PSD3: variants seen among roughly 807,000 people sequenced by gnomAD.
PSD3 encodes the protein pleckstrin and Sec7 domain containing 3.
Under a neutral mutation model 105.5 loss-of-function variants are expected in PSD3, and 49 were observed. The observed-to-expected ratio is 0.46, with a 90% CI of 0.37 to 0.59. The LOEUF (loss-of-function observed/expected upper bound fraction) is 0.59. PSD3 is among the 20% of genes least tolerant of loss of function. The pLI is 0.00. For missense variants in PSD3, 1,561 were observed against 1,263.8 expected, an observed-to-expected ratio of 1.24 and a Z score of -3.57; for synonymous variants, 557 against 457.8, an observed-to-expected ratio of 1.22 and a Z score of -2.77.
At chr8:18,750,260 A>C (rs1805364324) in intron 9 of PSD3, among the ~76,000 whole-genome samples, 1 of 152,146 alleles carries the variant, frequency 6.6e-6, no homozygotes, top group African/African-American at 2.4e-5. Flanking sequence ...TACAGCTCTT[A>C]AGGTGGCGCG....
rs1799691176 is a variant in PSD3, at chr8:18,532,926, G to A, written c.*2817C>T. The A allele has an allele frequency of 6.6e-6, 1 of 152,188 alleles. No individual in the cohort carries two copies. The highest frequency in any genetic ancestry group is 1.9e-4 in the East Asian group (1 of 5,184). The allele number at this position is 152,188 out of a possible 1,614,324, so 9.4% of individuals were successfully genotyped here. On this transcript the variant is annotated 3_prime_UTR_variant, in exon 16 of 16. Transcript: ENST00000327040. ...ATATGAAGTGTATTGACGTGAAGAA[G>A]AATGATTTATCATATGGAAGGAAGT...
At position 18,530,179 on chromosome 8, in the gene PSD3, G is replaced by C. The variant is rs540358770; in HGVS notation, c.*5564C>G. 6.6e-6 allele frequency: 1 copy of C among 152,410 alleles called. No homozygotes were observed. Among genetic ancestry groups the C allele is most frequent in the Non-Finnish European group, 1.5e-5 (1 of 68,014 alleles). 9.4% of individuals were successfully genotyped at this position (152,410 alleles called of 1,614,324 possible). ...CTGCTTTAAATATACCAAACATGCT[G>C]GTTAATAAAATTTTAGTCTCTAGTT... On this transcript the variant is annotated 3_prime_UTR_variant, in exon 16 of 16. Transcript: ENST00000327040.
chr8:18,820,617 T>G (rs1427211130), intron 4 of PSD3, among the ~76,000 whole-genome samples: 1 of 152,096 alleles, frequency 6.6e-6, no homozygotes, highest in African/African-American at 2.4e-5. Context: ...AAGAAAAAAA[T>G]ACGAACATTC....
chr8:18,684,225 CACACACACACACACACACACACACA>C (rs1328692679), intron 9 of PSD3: 6 of 213,278 alleles, frequency 2.8e-5, no homozygotes, highest in Non-Finnish European at 5.6e-5. Flanking sequence ...CACACACACA[CACACACACACACACACACACACACA>C]CCCCATCATA....
chr8:18,836,089 G>C (rs1382600140), intron 4 of PSD3, among the ~76,000 whole-genome samples: 7 of 152,288 alleles, frequency 4.6e-5, no homozygotes, highest in Non-Finnish European at 8.8e-5. Flanking sequence ...AGGTAGAGCT[G>C]ACCAAATTGC....
At chr8:18,692,741 C>A (rs1002362650) in intron 9 of PSD3, among the ~76,000 whole-genome samples, 12 of 152,226 alleles carry the variant, frequency 7.9e-5, no homozygotes, top group Admixed American at 5.9e-4. Context: ...TCACTTTGGG[C>A]ACATTTTCTG....
chr8:18,925,141 T>A (rs1821282554), intron 2 of PSD3, among the ~76,000 whole-genome samples: 1 of 152,130 alleles, frequency 6.6e-6, no homozygotes, highest in Admixed American at 6.5e-5. Flanking sequence ...AACAGACAAA[T>A]AAGCCAATTA....
chr8:18,674,277 G>T (rs970520624), intron 9 of PSD3, among the ~76,000 whole-genome samples: 1 of 152,236 alleles, frequency 6.6e-6, no homozygotes, highest in East Asian at 1.9e-4. Flanking sequence ...CTCAGAGGTA[G>T]CCAGTGGCCC....
At chr8:18,938,382 G>A (rs997154532) in intron 1 of PSD3, among the ~76,000 whole-genome samples, 2 of 152,122 alleles carry the variant, frequency 1.3e-5, no homozygotes, top group Non-Finnish European at 2.9e-5. Context: ...AGCACTCTGG[G>A]AGGCTGGGGT....
At chr8:19,047,226 A>G (rs1260362356) in intron 1 of PSD3, among the ~76,000 whole-genome samples, 3 of 152,176 alleles carry the variant, frequency 2.0e-5, no homozygotes, top group African/African-American at 7.2e-5. Context: ...CTGATTTGCA[A>G]GCCTGGAGGT....
At chr8:18,750,654 T>C (rs929501100) in intron 9 of PSD3, among the ~76,000 whole-genome samples, 1 of 152,040 alleles carries the variant, frequency 6.6e-6, no homozygotes, top group Admixed American at 6.5e-5. Flanking sequence ...ATCCTGCTGA[T>C]TGGTAGAGCC....
chr8:18,871,912 G>T lies in PSD3; in HGVS notation c.952C>A (p.His318Asn). 1 of 1,614,238 alleles carries T rather than the reference G, an allele frequency of 6.2e-7. No individual in the cohort carries two copies. The change falls in exon 3 of 16, where the codon CAT becomes AAT. Residue 318 changes from histidine to asparagine, a missense_variant. By Grantham distance (68) the His-to-Asn change is moderately conservative. Transcript: ENST00000327040. ...AGTGATGTCTCAAAATCTATAGGAT[G>T]CTGGGTCTCTCTCTTGTCTCCTCCT... The part of the protein sequence containing the change: ...WTGGDKRETQ[H>N]PIDFETSLQR...
chr8:19,071,338 T>A (rs902612187), intron 1 of PSD3, among the ~76,000 whole-genome samples: 8 of 150,300 alleles, frequency 5.3e-5, no homozygotes, highest in African/African-American at 2.0e-4. Context: ...AATCTTTTTT[T>A]ATTCTTTATT....
intron 9 of PSD3, among the ~76,000 whole-genome samples, chr8:18,706,964 G>A (rs958749048): frequency 1.3e-5 from 2 of 152,160 alleles, no homozygotes; most frequent in African/African-American, 4.8e-5. Context: ...AATAGGCAAA[G>A]ATTCTTGACT....
chr8:19,019,515 T>A (rs1326580971), intron 1 of PSD3, among the ~76,000 whole-genome samples: 2 of 152,172 alleles, frequency 1.3e-5, no homozygotes, highest in African/African-American at 4.8e-5. Context: ...GGATGCCTTA[T>A]AGATCATATA....
intron 1 of PSD3, among the ~76,000 whole-genome samples, chr8:19,042,098 A>G (rs563010566): frequency 1.3e-4 from 20 of 152,334 alleles, no homozygotes; most frequent in African/African-American, 4.1e-4. Flanking sequence ...ATATGGGAAC[A>G]AAACAAAACT....
intron 9 of PSD3, among the ~76,000 whole-genome samples, chr8:18,713,645 G>GA (rs1399807367): frequency 6.6e-6 from 1 of 152,012 alleles, no homozygotes; most frequent in Non-Finnish European, 1.5e-5. Context: ...GCAAACAAAT[G>GA]AAAAAACGTT....
intron 1 of PSD3, among the ~76,000 whole-genome samples, chr8:19,079,277 C>T (rs750423979): frequency 6.6e-6 from 1 of 152,094 alleles, no homozygotes; most frequent in African/African-American, 2.4e-5. Flanking sequence ...ACCAACGTAG[C>T]GTAAAATGAA....
chr8:18,651,820 T>C (rs1808501916), intron 10 of PSD3, among the ~76,000 whole-genome samples: 1 of 152,170 alleles, frequency 6.6e-6, no homozygotes, highest in Admixed American at 6.5e-5. Context: ...TACAGGTTCC[T>C]AGCAGAGGTG....
Sources: allele counts gnomAD v4.1 joint callset (sites outside exome capture counted in the v4.1 genomes callset), GRCh38; gene constraint gnomAD v4.1.1; transcripts MANE v1.5; gene names NCBI Gene and HGNC (gene_info 2026-07-23, HGNC 2026-07-21).